The following PUM1 variants were observed in gnomAD, a reference collection of about 807,000 sequenced individuals.
PUM1 encodes pumilio RNA binding family member 1.
In PUM1, 13 loss-of-function variants were observed where a neutral mutation model predicts 131.8. The observed-to-expected ratio is 0.10, with a 90% CI of 0.06 to 0.16. The LOEUF is 0.16. Among genes scored for constraint, PUM1 ranks in the 10% least tolerant of loss-of-function variants. PUM1 has a pLI of 1.00. For synonymous variants in PUM1, 509 were observed against 556.5 expected (o/e 0.91, Z 1.20); for missense variants, 961 against 1,512.4 (o/e 0.64, Z 6.05).
chr1:30,964,778 G>C lies in PUM1; in HGVS notation c.2219C>G (p.Ser740Cys). ...SFYNGLSFSS[S>C]PGPVGMPLPS... ...GAGAGGCATGCCCACGGGTCCAGGA[G>C]AGGAGGAAAAGCTAAGGCCGTTATA... The change falls in exon 14 of 22, where the codon TCT becomes TGT. Residue 740 changes from serine (S) to cysteine (C), a missense_variant. Transcript: ENST00000426105. The C allele has an allele frequency of 6.2e-7, 1 of 1,614,162 alleles. No homozygotes were observed. Among genetic ancestry groups the C allele is most frequent in the Non-Finnish European group, 8.5e-7 (1 of 1,180,024 alleles).
At chr1:31,047,101 C>G (rs1643986662) in intron 2 of PUM1, among the ~76,000 whole-genome samples, 1 of 152,016 alleles carries the variant, frequency 6.6e-6, no homozygotes, top group Admixed American at 6.6e-5. Flanking sequence ...TGTGGCAGGA[C>G]TCACTTGAAC....
intron 2 of PUM1, among the ~76,000 whole-genome samples, chr1:31,044,207 C>T (rs1643900785): frequency 6.6e-6 from 1 of 152,040 alleles, no homozygotes; most frequent in African/African-American, 2.4e-5. Context: ...CGAGACCATC[C>T]TGGCTAACAC....
In PUM1 at chr1:31,005,865, T is replaced by C; in HGVS notation, c.708A>G (p.Arg236=). The C allele has an allele frequency of 1.9e-6, 3 of 1,598,804 alleles. No homozygotes were observed. The highest frequency in any genetic ancestry group is 2.6e-6 in the Non-Finnish European group (3 of 1,174,896). ...LSSSPGDSCL[R]KGGFGPRDAD... is the part of the protein sequence containing the mutation. ...CAAGCCAACTTACAAATCCTCCTTTTCTTAGACAGGAATCGCCCGGGGATG... is the reference window on the plus strand; with the variant it reads ...CAAGCCAACTTACAAATCCTCCTTTCCTTAGACAGGAATCGCCCGGGGATG... Residue 236 remains arginine (R), a synonymous_variant, in exon 5 of 22, where the codon AGA becomes AGG. Coordinates refer to ENST00000426105, the MANE Select transcript of PUM1 (RefSeq NM_001020658.2).
At chr1:30,983,274 G>A (rs185669701) in intron 7 of PUM1, among the ~76,000 whole-genome samples, 1 of 152,188 alleles carries the variant, frequency 6.6e-6, no homozygotes, top group African/African-American at 2.4e-5. Flanking sequence ...TATTTCCAAG[G>A]TTGTGAAAAC....
rs143359453 is a variant in PUM1, at chr1:30,968,428, G to A, written c.1571C>T (p.Thr524Met). Residue 524 changes from threonine (T) to methionine (M), a missense_variant, in exon 11 of 22, where the codon ACG (threonine) becomes ATG (methionine). Around this residue, in one of 4 missense-constraint regions of PUM1, gnomAD observed 654 missense variants for 923.9 expected, o/e 0.71. Coordinates refer to ENST00000426105, the MANE Select transcript of PUM1 (RefSeq NM_001020658.2). ...TPNQNQQGQQ[T>M]DPLVAAAAVN... ...TGCTGCAGCTGCCACAAGGGGATCC[G>A]TTTGCTGTCCCTGCTGGTTCTGGTT... The A allele has an allele frequency of 5.0e-6, 8 of 1,600,874 alleles. No homozygotes were observed. The highest frequency in any genetic ancestry group is 4.5e-5 in the East Asian group (2 of 44,374).
chr1:31,038,984 A>ATATTTTTTTTT, intron 2 of PUM1, among the ~76,000 whole-genome samples: 18 of 49,410 alleles, frequency 3.6e-4, no homozygotes, highest in African/African-American at 1.0e-3. Flanking sequence ...ATATATATAT[A>ATATTTTTTTTT]TTTTTTTTTT....
At chr1:30,990,387 A>G (rs1247619506) in intron 7 of PUM1, among the ~76,000 whole-genome samples, 3 of 152,236 alleles carry the variant, frequency 2.0e-5, no homozygotes, top group Non-Finnish European at 4.4e-5. Flanking sequence ...GGAGGCAGAC[A>G]TGACAGCTTT....
In PUM1 at chr1:31,028,873, T is replaced by C. The variant is rs1643313141; in HGVS notation, c.364-9A>G. 12 of 1,610,678 alleles carry C rather than the reference T, an allele frequency of 7.5e-6. No homozygotes were observed. The highest frequency in any genetic ancestry group is 9.3e-6 in the Non-Finnish European group (11 of 1,177,158). ...TCATCCATGGAACGCACCTATTGTT[T>C]AGAATAGAGAAGGAAAAATCTTCAA... On this transcript the variant is annotated splice_polypyrimidine_tract_variant and intron_variant, in intron 2 of 21. Coordinates refer to ENST00000426105, the MANE Select transcript of PUM1 (RefSeq NM_001020658.2).
intron 10 of PUM1, among the ~76,000 whole-genome samples, chr1:30,970,571 G>A (rs1004704591): frequency 2.0e-5 from 3 of 152,190 alleles, no homozygotes; most frequent in Admixed American, 1.3e-4. Context: ...AAGAGAAAGT[G>A]TGTTTCAAAC....
At chr1:31,059,843 A>C (rs1179407825) in intron 1 of PUM1, among the ~76,000 whole-genome samples, 1 of 151,742 alleles carries the variant, frequency 6.6e-6, no homozygotes, top group Non-Finnish European at 1.5e-5. Flanking sequence ...TTTTAAATGA[A>C]CAAAAGCTTT....
Position 30,945,402 on chromosome 1 carries a change from T to C in PUM1, c.2938A>G (p.Ile980Val), listed in dbSNP as rs1639628755. 1.2e-6 allele frequency: 2 copies of C among 1,614,218 alleles called. No individual in the cohort carries two copies. The highest frequency in any genetic ancestry group is 4.5e-5 in the East Asian group (2 of 44,882). The change falls in exon 18 of 22, where the codon ATT (isoleucine) becomes GTT (valine). Residue 980 changes from isoleucine (I) to valine (V), a missense_variant. Around this residue, in one of 4 missense-constraint regions of PUM1, gnomAD observed 178 missense variants for 327.5 expected, o/e 0.54. Transcript: ENST00000426105. ...QNGNHVVQKC[I>V]ECVQPQSLQF... ...AAAGACTGGGGCTGTACACATTCAATGCATTTCTGAACCACGTGATTGCCA... is the reference window on the plus strand; with the variant it reads ...AAAGACTGGGGCTGTACACATTCAACGCATTTCTGAACCACGTGATTGCCA...
chr1:31,065,630 G>T lies in PUM1; in HGVS notation c.-26C>A. 6.5e-7 allele frequency: 1 copy of T among 1,548,584 alleles called. No individual in the cohort carries two copies. The highest frequency in any genetic ancestry group is 8.7e-7 in the Non-Finnish European group (1 of 1,146,790). On this transcript the variant is annotated 5_prime_UTR_variant, in exon 1 of 22. Coordinates refer to ENST00000426105, the MANE Select transcript of PUM1 (RefSeq NM_001020658.2). ...CGGATACTCACGGGCGGAGCGGTAG[G>T]ATGAAGATGGATTTCAGCCCCCCGA...
At chr1:31,032,662 A>ACAAATCTTTT (rs1291548130) in intron 2 of PUM1, among the ~76,000 whole-genome samples, 27 of 152,118 alleles carry the variant, frequency 1.8e-4, no homozygotes, top group African/African-American at 5.6e-4. Context: ...GTATCACTTT[A>ACAAATCTTTT]CAAATCTTTT....
chr1:31,065,245 G>A (rs1644458069), intron 1 of PUM1, among the ~76,000 whole-genome samples: 1 of 152,168 alleles, frequency 6.6e-6, no homozygotes, highest in Non-Finnish European at 1.5e-5. Context: ...CCACACAGAA[G>A]ACTCGGGGCT....
intron 20 of PUM1, among the ~76,000 whole-genome samples, chr1:30,937,164 G>A (rs1639245459): frequency 6.6e-6 from 1 of 152,074 alleles, no homozygotes; most frequent in Non-Finnish European, 1.5e-5. Context: ...CAAGGACATG[G>A]GACCCGGCCC....
intron 7 of PUM1, among the ~76,000 whole-genome samples, chr1:30,983,139 G>C (rs1170438260): frequency 6.6e-6 from 1 of 152,226 alleles, no homozygotes; most frequent in African/African-American, 2.4e-5. Flanking sequence ...CTGCAAGTTG[G>C]TTTCACATTT....
At chr1:31,040,045 G>T (rs1262364945) in intron 2 of PUM1, among the ~76,000 whole-genome samples, 1 of 152,156 alleles carries the variant, frequency 6.6e-6, no homozygotes, top group African/African-American at 2.4e-5. Context: ...TTATCATTGA[G>T]AATTCTAATT....
intron 8 of PUM1, among the ~76,000 whole-genome samples, chr1:30,980,903 T>C (rs778876081): frequency 6.6e-6 from 1 of 152,216 alleles, no homozygotes; most frequent in Non-Finnish European, 1.5e-5. Flanking sequence ...CTTTTAAATT[T>C]TTTCAATGCA....
intron 1 of PUM1, among the ~76,000 whole-genome samples, chr1:31,061,240 G>A (rs946578175): frequency 6.6e-6 from 1 of 152,094 alleles, no homozygotes; most frequent in African/African-American, 2.4e-5. Context: ...AGGGAGAATC[G>A]CTTGAGCCAG....
Sources: allele counts gnomAD v4.1 joint callset (sites outside exome capture counted in the v4.1 genomes callset), GRCh38; gene constraint gnomAD v4.1.1; regional missense constraint gnomAD v4.1.1; transcripts MANE v1.5; gene names NCBI Gene and HGNC (gene_info 2026-07-23, HGNC 2026-07-21).